Variants in CHM observed in about 807,000 individuals in gnomAD.
CHM encodes the protein rab proteins geranylgeranyltransferase component A 1.
Under a neutral mutation model 49.0 loss-of-function variants are expected in CHM, and 10 were observed. The ratio of observed to expected loss-of-function variants is 0.20; its 90% CI spans 0.13 to 0.35. The LOEUF (loss-of-function observed/expected upper bound fraction) is 0.35, where lower values mean the gene tolerates loss of function less well. Among genes scored for constraint, CHM ranks in the 10% least tolerant of loss-of-function variants. The pLI, the probability that CHM is intolerant of heterozygous loss-of-function variation, is 1.00. For synonymous variants in CHM, 184 were observed against 167.5 expected (o/e 1.10, Z -0.76); for missense variants, 455 against 478.4 (o/e 0.95, Z 0.46).
In CHM at chrX:85,977,505, T is replaced by G. The variant is rs150519749; in HGVS notation, c.314+1262A>C. ...TAGAAACTATTAACCTCAATTATCA[T>G]AAAAAGTAATCAGTGGCCTTGAAGT... On this transcript the variant is annotated intron_variant, in intron 4 of 14. Coordinates refer to ENST00000357749, the MANE Select transcript of CHM (RefSeq NM_000390.4). Among the ~76,000 whole-genome samples the G allele has an allele frequency of 1.1e-4, 12 of 112,347 alleles. No individual in the cohort carries two copies. In the East Asian group the frequency reaches 3.1e-3, roughly 29 times the overall value.
At chrX:86,036,759 G>C (rs1223695063) in intron 1 of CHM, among the ~76,000 whole-genome samples, 2 of 111,532 alleles carry the variant, frequency 1.8e-5, no homozygotes, top group Non-Finnish European at 3.8e-5. Context: ...AAACCCATCT[G>C]ATGAGAATTT....
At chrX:85,879,426 G>C (rs1231474283) in intron 12 of CHM, among the ~76,000 whole-genome samples, 1 of 111,978 alleles carries the variant, frequency 8.9e-6, no homozygotes, top group Non-Finnish European at 1.9e-5. Flanking sequence ...ATGTTTTGCT[G>C]ATAAGTTAAC....
chrX:85,974,908 TAG>T (rs1301042326), intron 4 of CHM, among the ~76,000 whole-genome samples: 1 of 111,063 alleles, frequency 9.0e-6, no homozygotes, highest in Non-Finnish European at 1.9e-5. Context: ...AAAGACAAGC[TAG>T]AGTCATGGGG....
chrX:85,934,320 C>T (rs1928640006), intron 8 of CHM, among the ~76,000 whole-genome samples: 1 of 89,183 alleles, frequency 1.1e-5, no homozygotes, highest in Non-Finnish European at 2.1e-5. Context: ...CACATGTGCA[C>T]AATGTGCAGG....
chrX:85,966,330 C>T (rs1177803679), intron 4 of CHM, among the ~76,000 whole-genome samples: 1 of 90,891 alleles, frequency 1.1e-5, no homozygotes, highest in Non-Finnish European at 2.1e-5. Flanking sequence ...GCCTGGGCAA[C>T]AAGAGCAAAA....
chrX:85,971,645 G>T (rs1171604807), intron 4 of CHM: 1 of 248,173 alleles, frequency 4.0e-6, no homozygotes, highest in African/African-American at 2.9e-5. Context: ...AGCCTCCACA[G>T]TGTGGAAGGG....
chrX:86,026,461 CATG>C (rs1182435846), intron 2 of CHM, among the ~76,000 whole-genome samples: 4 of 110,094 alleles, frequency 3.6e-5, no homozygotes, highest in Non-Finnish European at 5.7e-5. Flanking sequence ...CATGTAAACC[CATG>C]ATATGTCAAA....
chrX:85,873,030 T>C lies in CHM; in HGVS notation c.1770+22A>G, dbSNP rs202207585. On this transcript the variant is annotated intron_variant, in intron 14 of 14. Transcript: ENST00000357749. The stretch of plus-strand genomic sequence containing the variant: ...CCACACCAACATCTTAATACAAAAC[T>C]GAGAAACATCAAGAGCCTTACCTGT... 4.3e-5 allele frequency: 51 copies of C among 1,195,444 alleles called. No homozygotes were observed. In the African/African-American group the frequency reaches 8.4e-4, roughly 20 times the overall value.
Position 85,873,046 on chromosome X carries a change from C to A in CHM, c.1770+6G>T. On this transcript the variant is annotated splice_donor_region_variant and intron_variant, in intron 14 of 14. Transcript: ENST00000357749. ...ATACAAAACTGAGAAACATCAAGAG[C>A]CTTACCTGTTTGACTGCATTATCAT... 1 of 1,204,808 alleles carries A rather than the reference C, an allele frequency of 8.3e-7. No homozygotes were observed. The highest frequency in any genetic ancestry group is 1.1e-6 in the Non-Finnish European group (1 of 890,050).
chrX:85,978,844 G>A lies in CHM; in HGVS notation c.237C>T (p.Ile79=). 1.7e-6 allele frequency: 2 copies of A among 1,205,889 alleles called. No individual in the cohort carries two copies. The highest frequency in any genetic ancestry group is 3.5e-5 in the South Asian group (2 of 56,818). ...VSDSPVWQDQ[I]LENEEAIALS... is the part of the protein sequence containing the mutation. The stretch of plus-strand genomic sequence containing the variant: ...GAGCAATGGCTTCTTCATTTTCAAG[G>A]ATCTGGTCTTGCCACACTGGACTGT... The change falls in exon 4 of 15, where the codon ATC becomes ATT. Residue 79 remains isoleucine (I), a synonymous_variant. Coordinates refer to ENST00000357749, the MANE Select transcript of CHM (RefSeq NM_000390.4).
intron 8 of CHM, among the ~76,000 whole-genome samples, chrX:85,955,616 G>T (rs5968746): frequency 0.28 from 31,348 of 111,112 alleles, 3,506 homozygotes; most frequent in African/African-American, 0.41. Context: ...TCTTATGTAC[G>T]GCTAAAAGGT....
Position 85,864,722 on chromosome X carries a change from C to G in CHM, c.1870G>C (p.Glu624Gln). 1 of 1,208,428 alleles carries G rather than the reference C, an allele frequency of 8.3e-7. No homozygotes were observed. The highest frequency in any genetic ancestry group is 1.1e-6 in the Non-Finnish European group (1 of 893,314). The change falls in exon 15 of 15, where the codon GAG (glutamate) becomes CAG (glutamine). Residue 624 changes from glutamate (E) to glutamine (Q), a missense_variant. Transcript: ENST00000357749. ...IILDGDSLQP[E>Q]ASESSAIPEA... ...GGTATGGCACTGGATTCTGAAGCCT[C>G]TGGCTGTAAACTGTCTCCATCAAGG...
chrX:85,933,836 G>A (rs1928579876), intron 8 of CHM, among the ~76,000 whole-genome samples: 1 of 111,997 alleles, frequency 8.9e-6, no homozygotes, highest in African/African-American at 3.2e-5. Context: ...ACAAACACGT[G>A]TGTATCTGCA....
intron 12 of CHM, among the ~76,000 whole-genome samples, chrX:85,886,035 C>T (rs1925066289): frequency 9.0e-6 from 1 of 111,243 alleles, no homozygotes; most frequent in Non-Finnish European, 1.9e-5. Context: ...TGATCACAAA[C>T]ATTTCAACAT....
Position 85,869,682 on chromosome X carries a change from G to T in CHM, c.1770+3370C>A, listed in dbSNP as rs186689024. Among the ~76,000 whole-genome samples, 404 of 111,992 alleles carry T rather than the reference G, an allele frequency of 3.6e-3. 1 individual carries two copies. Among genetic ancestry groups the T allele is most frequent in the African/African-American group, 0.012 (381 of 30,814 alleles). ...GCAACCTCTTAGGGTCAACTGCCAT[G>T]CTCTGGAAAGTGTATCTAATGCTTC... On this transcript the variant is annotated intron_variant, in intron 14 of 14. Coordinates refer to ENST00000357749, the MANE Select transcript of CHM (RefSeq NM_000390.4).
chrX:86,001,099 C>T (rs928712100), intron 2 of CHM, among the ~76,000 whole-genome samples: 1 of 110,522 alleles, frequency 9.0e-6, no homozygotes, highest in Non-Finnish European at 1.9e-5. Flanking sequence ...ACGTATACCC[C>T]AAAAATATAT....
intron 1 of CHM, among the ~76,000 whole-genome samples, chrX:86,045,909 T>C (rs1170873305): frequency 8.9e-6 from 1 of 112,273 alleles, no homozygotes; most frequent in African/African-American, 3.2e-5. Flanking sequence ...TAGTATAGAC[T>C]TAAAAGAAAA....
In CHM at chrX:85,862,731, A is replaced by T. The variant is rs946014161; in HGVS notation, c.*1899T>A. 1 of 111,336 alleles carries T rather than the reference A, an allele frequency of 9.0e-6. No homozygotes were observed. The highest frequency in any genetic ancestry group is 3.3e-5 in the African/African-American group (1 of 30,585). The allele number at this position is 111,336 out of a possible 1,213,427, so 9.2% of individuals were successfully genotyped here. On this transcript the variant is annotated 3_prime_UTR_variant, in exon 15 of 15. Transcript: ENST00000357749. ...TTACTCTGGCTTGAACTATATCTGCAGTGGGTAGAAAGGTGAGGCAAGAGC... is the reference window on the plus strand; with the variant it reads ...TTACTCTGGCTTGAACTATATCTGCTGTGGGTAGAAAGGTGAGGCAAGAGC...
chrX:85,999,960 C>A (rs374304940), intron 2 of CHM, among the ~76,000 whole-genome samples: 24 of 111,689 alleles, frequency 2.1e-4, no homozygotes, highest in African/African-American at 7.8e-4. Flanking sequence ...TATAGCGGGG[C>A]ACTTCAGAAT....
Sources: gnomAD v4.1 joint callset for allele counts (sites outside exome capture counted in the v4.1 genomes callset) on GRCh38, gnomAD v4.1.1 for gene constraint, MANE v1.5 for transcripts, NCBI Gene and HGNC (gene_info 2026-07-23, HGNC 2026-07-21) for gene names.